The following DLGAP1 variants were observed in gnomAD, a reference collection of about 807,000 sequenced individuals.
DLGAP1 encodes the protein DLG associated protein 1.
A neutral mutation model predicts 90.8 loss-of-function variants in DLGAP1; 11 were observed. The ratio of observed to expected loss-of-function variants is 0.12; its 90% CI spans 0.08 to 0.20. The LOEUF (loss-of-function observed/expected upper bound fraction) is 0.20, where lower values mean the gene tolerates loss of function less well. DLGAP1 is among the 10% of genes least tolerant of loss of function. The pLI, the probability that DLGAP1 is intolerant of heterozygous loss-of-function variation, is 1.00. For missense variants in DLGAP1, 1,050 were observed against 1,333.8 expected (o/e 0.79, Z 3.31); for synonymous variants, 558 against 540.7 (o/e 1.03, Z -0.44).
chr18:4,251,407 C>A (rs1182473450), intron 1 of DLGAP1, among the ~76,000 whole-genome samples: 5 of 152,184 alleles, frequency 3.3e-5, no homozygotes, highest in Non-Finnish European at 7.3e-5. Context: ...GGTTGGACCA[C>A]AGGAGTCCTA....
chr18:3,721,480 T>G (rs144727157), intron 7 of DLGAP1: 17 of 152,326 alleles, frequency 1.1e-4, no homozygotes, highest in African/African-American at 4.1e-4. Context: ...TTTCTTTTCA[T>G]AGGCTTTTAA....
rs112891152 is a variant in DLGAP1, at chr18:4,156,259, G to A, written c.-266-4972C>T. On this transcript the variant is annotated intron_variant, in intron 1 of 12. Transcript: ENST00000315677. ...GGATATACAACACCGGAATGTGGGA[G>A]AGAAGTCTGGGCTGGAGTTTGTGTT... Among the ~76,000 whole-genome samples the A allele has an allele frequency of 6.8e-3, 1,042 of 152,332 alleles. 13 individuals carry two copies. Among genetic ancestry groups the A allele is most frequent in the Middle Eastern group, 0.048 (14 of 294 alleles).
intron 4 of DLGAP1, among the ~76,000 whole-genome samples, chr18:3,862,533 A>AGAG (rs144861289): frequency 0.17 from 25,963 of 152,084 alleles, 2,770 homozygotes; most frequent in East Asian, 0.42. Context: ...TACAAAACGC[A>AGAG]GAGGAGCCGA....
intron 1 of DLGAP1, among the ~76,000 whole-genome samples, chr18:4,357,200 C>G (rs1353150066): frequency 7.3e-6 from 1 of 136,636 alleles, no homozygotes; most frequent in African/African-American, 2.7e-5. Flanking sequence ...GTGGCCCAGG[C>G]TAGAGTGCAG....
At chr18:3,576,175 A>C (rs3862169) in intron 8 of DLGAP1, among the ~76,000 whole-genome samples, 83,470 of 151,890 alleles carry the variant, frequency 0.55, 23,641 homozygotes, top group East Asian at 0.82. Context: ...GGAAGGTGGA[A>C]GAAGAGAAGA....
At chr18:4,266,656 G>A (rs745861955) in intron 1 of DLGAP1, among the ~76,000 whole-genome samples, 1 of 152,158 alleles carries the variant, frequency 6.6e-6, no homozygotes, top group African/African-American at 2.4e-5. Context: ...ACAGCAGACA[G>A]CACAAGTTTC....
At chr18:4,112,980 A>G (rs1165321788) in intron 2 of DLGAP1, among the ~76,000 whole-genome samples, 3 of 151,994 alleles carry the variant, frequency 2.0e-5, no homozygotes, top group Admixed American at 6.6e-5. Context: ...TGTGGTATGT[A>G]TGTACCACAT....
At chr18:4,052,061 T>C (rs1446834997) in intron 2 of DLGAP1, among the ~76,000 whole-genome samples, 2 of 152,192 alleles carry the variant, frequency 1.3e-5, no homozygotes, top group Non-Finnish European at 2.9e-5. Flanking sequence ...ACAGCTCCCA[T>C]CCTGGCTGCT....
chr18:3,891,477 A>G (rs1397170006), intron 3 of DLGAP1, among the ~76,000 whole-genome samples: 1 of 152,164 alleles, frequency 6.6e-6, no homozygotes, highest in Non-Finnish European at 1.5e-5. Context: ...TAGGAATAGT[A>G]TCATGGGTCT....
chr18:3,975,350 A>ATATC (rs1684742658), intron 3 of DLGAP1, among the ~76,000 whole-genome samples: 1 of 152,194 alleles, frequency 6.6e-6, no homozygotes, highest in African/African-American at 2.4e-5. Context: ...ACATGAAAAG[A>ATATC]TGTTCAACAT....
intron 7 of DLGAP1, among the ~76,000 whole-genome samples, chr18:3,645,315 C>G (rs897438484): frequency 1.1e-4 from 16 of 151,902 alleles, no homozygotes; most frequent in African/African-American, 3.9e-4. Context: ...TGCCATATTT[C>G]AATTGTTGAG....
chr18:4,153,006 A>C (rs2076699723), intron 1 of DLGAP1, among the ~76,000 whole-genome samples: 1 of 152,236 alleles, frequency 6.6e-6, no homozygotes, highest in African/African-American at 2.4e-5. Context: ...TCTGCTAGAT[A>C]GTACTCTTAA....
intron 4 of DLGAP1, among the ~76,000 whole-genome samples, chr18:3,844,295 T>A (rs1291929589): frequency 1.3e-5 from 2 of 152,248 alleles, no homozygotes; most frequent in East Asian, 3.8e-4. Flanking sequence ...CCCGAATGTC[T>A]GAAAACATAA....
chr18:3,784,462 T>C (rs1034040510), intron 5 of DLGAP1, among the ~76,000 whole-genome samples: 35 of 152,332 alleles, frequency 2.3e-4, no homozygotes, highest in Non-Finnish European at 1.2e-4. Context: ...CTGCCGTGTA[T>C]GTGTTATTTT....
At chr18:4,437,398 T>C (rs1253493878) in intron 1 of DLGAP1, among the ~76,000 whole-genome samples, 1 of 152,206 alleles carries the variant, frequency 6.6e-6, no homozygotes, top group East Asian at 1.9e-4. Context: ...GGACCTCCTG[T>C]AGATACCAAA....
At chr18:3,611,240 C>A (rs962336638) in intron 7 of DLGAP1, among the ~76,000 whole-genome samples, 2 of 152,060 alleles carry the variant, frequency 1.3e-5, no homozygotes, top group African/African-American at 4.8e-5. Flanking sequence ...CCCTACAGCT[C>A]CCCTGATCAC....
At chr18:4,174,653 T>A (rs2077077261) in intron 1 of DLGAP1, among the ~76,000 whole-genome samples, 3 of 152,240 alleles carry the variant, frequency 2.0e-5, no homozygotes, top group Non-Finnish European at 2.9e-5. Flanking sequence ...TTATTTTATT[T>A]TACTTTAAGT....
chr18:4,304,403 C>A (rs557406097), intron 1 of DLGAP1, among the ~76,000 whole-genome samples: 1 of 152,138 alleles, frequency 6.6e-6, no homozygotes, highest in African/African-American at 2.4e-5. Flanking sequence ...TTTTCAAACA[C>A]CTATTTGTGC....
chr18:3,530,067 C>G (rs1046531853), intron 10 of DLGAP1, among the ~76,000 whole-genome samples: 1 of 152,074 alleles, frequency 6.6e-6, no homozygotes, highest in Non-Finnish European at 1.5e-5. Flanking sequence ...CTGAAAGGCC[C>G]ATTAAAAGAA....
Sources: gnomAD v4.1 joint callset for allele counts (sites outside exome capture counted in the v4.1 genomes callset) on GRCh38, gnomAD v4.1.1 for gene constraint, MANE v1.5 for transcripts, NCBI Gene and HGNC (gene_info 2026-07-23, HGNC 2026-07-21) for gene names.